The following LLGL1 variants were observed in gnomAD, a reference collection of about 807,000 sequenced individuals.
LLGL1 encodes LLGL scribble cell polarity complex component 1.
In LLGL1, 58 loss-of-function variants were observed where a neutral mutation model predicts 110.6. The ratio of observed to expected loss-of-function variants is 0.52; its 90% CI spans 0.42 to 0.65. The LOEUF (loss-of-function observed/expected upper bound fraction) is 0.65. Ranked by LOEUF, LLGL1 falls within the 30% of genes least tolerant of loss-of-function variation. The pLI, the probability that LLGL1 is intolerant of heterozygous loss-of-function variation, is 0.00. For missense variants in LLGL1, 1,229 were observed against 1,462.1 expected (o/e 0.84, Z 2.60); for synonymous variants, 674 against 607.2 (o/e 1.11, Z -1.62).
At position 18,242,835 on chromosome 17, in the gene LLGL1, TG is replaced by T. The variant is rs1254052357; in HGVS notation, c.*1+17del. 2.6e-6 allele frequency: 4 copies of T among 1,543,748 alleles called. No homozygotes were observed. The highest frequency in any genetic ancestry group is 3.5e-6 in the Non-Finnish European group (4 of 1,144,338). On this transcript the variant is annotated intron_variant, in intron 22 of 22. Transcript: ENST00000316843. ...CTGATCAAATGAGGTGCTGCAGGGGTGGGGCCCTGGTCCTCACCACTGGTGA... is the reference window on the plus strand; with the variant it reads ...CTGATCAAATGAGGTGCTGCAGGGGTGGGCCCTGGTCCTCACCACTGGTGA...
Position 18,241,055 on chromosome 17 carries a change from G to A in LLGL1, c.2502+182G>A, listed in dbSNP as rs1208912015. ...AGAACTCCTACCCAAGAACCCTGAT[G>A]CCCCCTCAGCCTGCTGAGTTCCCCT... On this transcript the variant is annotated intron_variant, in intron 17 of 22. Transcript: ENST00000316843. 4.6e-6 allele frequency: 3 copies of A among 656,430 alleles called. No individual in the cohort carries two copies. In the East Asian group the frequency reaches 8.4e-5, roughly 18 times the overall value. The allele number at this position is 656,430 out of a possible 1,614,324, so 40.7% of individuals were successfully genotyped here.
chr17:18,240,811 G>T lies in LLGL1; in HGVS notation c.2440G>T (p.Ala814Ser). The T allele has an allele frequency of 6.3e-7, 1 of 1,579,438 alleles. No homozygotes were observed. The highest frequency in any genetic ancestry group is 8.6e-7 in the Non-Finnish European group (1 of 1,160,308). ...GCCCTACGAGGCCTCACGGGACCTG[G>T]CGCAGGCACCTGACATGCAGGGTGG... Reference protein sequence around the residue: ...PEPYEASRDLAQAPDMQGGHA... With the variant: ...PEPYEASRDLSQAPDMQGGHA... Residue 814 changes from alanine to serine, a missense_variant, in exon 17 of 23, where the codon GCG becomes TCG. Physicochemically the swap from Ala to Ser is moderately conservative, Grantham distance 99. Coordinates refer to ENST00000316843, the MANE Select transcript of LLGL1 (RefSeq NM_004140.4). This position sits in a 1 kb window ranked among gnomAD's most constrained non-coding sequence, Gnocchi z 5.3.
chr17:18,231,018 C>T (rs2047556094), intron 2 of LLGL1, among the ~76,000 whole-genome samples: 1 of 152,210 alleles, frequency 6.6e-6, no homozygotes, highest in South Asian at 2.1e-4. Flanking sequence ...TGCTCCCACT[C>T]CTGTGGGTGC....
In LLGL1 at chr17:18,240,680, C is replaced by G. The variant is rs1201050179; in HGVS notation, c.2309C>G (p.Pro770Arg). 2 of 1,613,186 alleles carry G rather than the reference C, an allele frequency of 1.2e-6. No individual in the cohort carries two copies. The highest frequency in any genetic ancestry group is 1.7e-6 in the Non-Finnish European group (2 of 1,179,836). The change falls in exon 17 of 23, where the codon CCT becomes CGT. Residue 770 changes from proline (P) to arginine (R), a missense_variant. Pro to Arg is a moderately radical substitution (Grantham distance 103, BLOSUM62 -2). Coordinates refer to ENST00000316843, the MANE Select transcript of LLGL1 (RefSeq NM_004140.4). This position sits in a 1 kb window ranked among gnomAD's most constrained non-coding sequence, Gnocchi z 5.3. ...GCAGCAGTGGGTGGTGAGAAGCGGC[C>G]TGAGCAAGCGGTGGAGGCCGTGCTG... ...PAAAVGGEKR[P>R]EQAVEAVLGK...
In LLGL1 at chr17:18,240,990, C is replaced by T; in HGVS notation, c.2502+117C>T. 1 of 1,138,118 alleles carries T rather than the reference C, an allele frequency of 8.8e-7. No individual in the cohort carries two copies. Among genetic ancestry groups the T allele is most frequent in the South Asian group, 1.8e-5 (1 of 56,924 alleles). The allele number at this position is 1,138,118 out of a possible 1,614,324, so 70.5% of individuals were successfully genotyped here. A position where few individuals can be genotyped will look rare whatever the true frequency, so the allele number is the denominator to read the frequency against. On this transcript the variant is annotated intron_variant, in intron 17 of 22. Coordinates refer to ENST00000316843, the MANE Select transcript of LLGL1 (RefSeq NM_004140.4). This position sits in a 1 kb window ranked among gnomAD's most constrained non-coding sequence, Gnocchi z 5.3. ...GCCTGTATCCCCCACTGTTGGGACC[C>T]TAATTCCCTTGCACCCCAGAAAACA... is the stretch of plus-strand genomic sequence containing the variant.
Position 18,234,682 on chromosome 17 carries a change from T to C in LLGL1, c.884T>C (p.Leu295Pro). Reference protein sequence around the residue: ...PFPCKAINKILWRNCESGGHF... With the variant: ...PFPCKAINKIPWRNCESGGHF... ...CCCTGCAAGGCCATTAACAAGATTC[T>C]GTGGCGGAACTGTGAATCTGGGTAG... The change falls in exon 8 of 23, where the codon CTG becomes CCG. Residue 295 changes from leucine to proline, a missense_variant. Leu to Pro is a moderately conservative substitution (Grantham distance 98, BLOSUM62 -3). Coordinates refer to ENST00000316843, the MANE Select transcript of LLGL1 (RefSeq NM_004140.4). 1 of 1,614,126 alleles carries C rather than the reference T, an allele frequency of 6.2e-7. No individual in the cohort carries two copies. Among genetic ancestry groups the C allele is most frequent in the Non-Finnish European group, 8.5e-7 (1 of 1,180,008 alleles).
At chr17:18,239,761 G>GT (rs1176731437) in intron 16 of LLGL1, among the ~76,000 whole-genome samples, 17 of 150,420 alleles carry the variant, frequency 1.1e-4, no homozygotes, top group East Asian at 7.8e-4. Context: ...TTGACTTTTT[G>GT]TTTTTTTTGA....
intron 1 of LLGL1, among the ~76,000 whole-genome samples, chr17:18,227,443 A>C (rs1041144348): frequency 6.6e-6 from 1 of 151,420 alleles, no homozygotes; most frequent in African/African-American, 2.4e-5. Flanking sequence ...GCTGGAGTGC[A>C]GTGGCACAAT....
Position 18,241,694 on chromosome 17 carries a change from G to A in LLGL1, c.2746G>A (p.Val916Ile), listed in dbSNP as rs781433997. ...GGACATCAGCGGCATCGCTTCGTGCGTCTTTACGCGCCATGGCCAGGGTGA... is the reference window on the plus strand; with the variant it reads ...GGACATCAGCGGCATCGCTTCGTGCATCTTTACGCGCCATGGCCAGGGTGA... ...KEDISGIASCVFTRHGQGFYL... is the reference protein window; with the variant it reads ...KEDISGIASCIFTRHGQGFYL... The change falls in exon 18 of 23, where the codon GTC becomes ATC. Residue 916 changes from valine (V) to isoleucine (I), a missense_variant. Transcript: ENST00000316843. 1.5e-5 allele frequency: 24 copies of A among 1,613,326 alleles called. No individual in the cohort carries two copies. The highest frequency in any genetic ancestry group is 1.6e-4 in the Middle Eastern group (1 of 6,062).
Position 18,238,161 on chromosome 17 carries a change from A to T in LLGL1, c.1999A>T (p.Ile667Phe). 6.2e-7 allele frequency: 1 copy of T among 1,613,480 alleles called. No individual in the cohort carries two copies. The highest frequency in any genetic ancestry group is 8.5e-7 in the Non-Finnish European group (1 of 1,180,040). ...KKSLRQSFRR[I>F]RKSRVSGKKR... is the part of the protein sequence containing the mutation. ...GTCACTGCGCCAGTCTTTCCGGCGCATTCGCAAGAGTCGTGTCTCTGGCAA... is the reference window on the plus strand; with the variant it reads ...GTCACTGCGCCAGTCTTTCCGGCGCTTTCGCAAGAGTCGTGTCTCTGGCAA... The change falls in exon 15 of 23, where the codon ATT (isoleucine) becomes TTT (phenylalanine). Residue 667 changes from isoleucine to phenylalanine, a missense_variant. By Grantham distance (21) the Ile-to-Phe change is conservative. Coordinates refer to ENST00000316843, the MANE Select transcript of LLGL1 (RefSeq NM_004140.4).
rs750250326 is a variant in LLGL1, at chr17:18,236,664, C to G, written c.1410C>G (p.Leu470=). The change falls in exon 12 of 23, where the codon CTC becomes CTG. Residue 470 remains leucine (L), a synonymous_variant. Transcript: ENST00000316843. ...WDASGVALRP[L]YKLSTAGLFQ... ...CCTCGGGTGTGGCGCTGCGGCCGCTCTATAAGCTGAGCACAGCTGGCCTCT... is the reference window on the plus strand; with the variant it reads ...CCTCGGGTGTGGCGCTGCGGCCGCTGTATAAGCTGAGCACAGCTGGCCTCT... The G allele has an allele frequency of 6.2e-7, 1 of 1,612,962 alleles. No individual in the cohort carries two copies. The highest frequency in any genetic ancestry group is 8.5e-7 in the Non-Finnish European group (1 of 1,179,970).
chr17:18,236,862 G>A lies in LLGL1; in HGVS notation c.1534G>A (p.Asp512Asn), dbSNP rs1373442315. 6.2e-6 allele frequency: 10 copies of A among 1,613,756 alleles called. No homozygotes were observed. The highest frequency in any genetic ancestry group is 2.7e-5 in the African/African-American group (2 of 74,902). Residue 512 changes from aspartate (D) to asparagine (N), a missense_variant, in exon 13 of 23, where the codon GAT (aspartate) becomes AAT (asparagine). Physicochemically the swap from Asp to Asn is conservative, Grantham distance 23 (BLOSUM62 1). Transcript: ENST00000316843. ...GGGCTGCTTCGATCCCTACAGTGAC[G>A]ATCCCCGGCTTGGCGTGCAGAAGGT... Reference protein sequence around the residue: ...KVGCFDPYSDDPRLGVQKVAL... With the variant: ...KVGCFDPYSDNPRLGVQKVAL...
chr17:18,240,189 C>A lies in LLGL1; in HGVS notation c.2207-389C>A, dbSNP rs2047796154. Among the ~76,000 whole-genome samples, 1 of 151,894 alleles carries A rather than the reference C, an allele frequency of 6.6e-6. No homozygotes were observed. Among genetic ancestry groups the A allele is most frequent in the Non-Finnish European group, 1.5e-5 (1 of 67,986 alleles). ...CAGGGGTGGAGAGAGGAGTCGGGGT[C>A]TTGTGGGGCTTGGGGCCTGAGTGAT... On this transcript the variant is annotated intron_variant, in intron 16 of 22. Transcript: ENST00000316843. The surrounding 1 kb of genome is among the most constrained non-coding windows in gnomAD (Gnocchi z 5.3).
intron 1 of LLGL1, among the ~76,000 whole-genome samples, chr17:18,226,704 T>C (rs935302719): frequency 6.6e-6 from 1 of 152,204 alleles, no homozygotes; most frequent in South Asian, 2.1e-4. Flanking sequence ...AGGTGGAGGC[T>C]TTTCCTTCCT....
intron 20 of LLGL1, 55 bp downstream of exon 20, chr17:18,242,333 G>A: frequency 1.3e-6 from 2 of 1,568,978 alleles, no homozygotes; most frequent in Non-Finnish European, 1.8e-6. Flanking sequence ...CCTGGGGGAG[G>A]GAGTCGGGAC....
chr17:18,241,371 G>C lies in LLGL1; in HGVS notation c.2503-80G>C, dbSNP rs529161676. On this transcript the variant is annotated intron_variant, in intron 17 of 22. Transcript: ENST00000316843. ...GCTGGGCTTTGTGGTGGGGGCTGTT[G>C]GGTCAGCAGCCACGAGGGTGAGGGG... 1,685 of 1,513,882 alleles carry C rather than the reference G, an allele frequency of 1.1e-3. 3 individuals carry two copies. Among genetic ancestry groups the C allele is most frequent in the Non-Finnish European group, 1.4e-3 (1,582 of 1,128,686 alleles). The allele number at this position is 1,513,882 out of a possible 1,614,324, so 93.8% of individuals were successfully genotyped here.
rs763158591 is a variant in LLGL1 at position 18,235,007 on chromosome 17, C to T, written c.1060+14C>T. The T allele has an allele frequency of 1.5e-5, 25 of 1,613,846 alleles. No homozygotes were observed. The highest frequency in any genetic ancestry group is 1.0e-4 in the Admixed American group (6 of 60,004). On this transcript the variant is annotated intron_variant, in intron 9 of 22. Transcript: ENST00000316843. Reference sequence around the variant, plus strand: ...GGCCCGAGGATGGTGCGTGCCCTGCCGTACCCTACCCTTTCCCAGCCCCAC... The same window carrying T: ...GGCCCGAGGATGGTGCGTGCCCTGCTGTACCCTACCCTTTCCCAGCCCCAC...
intron 15 of LLGL1, 94 bp downstream of exon 15, chr17:18,238,308 C>A: frequency 6.3e-7 from 1 of 1,583,284 alleles, no homozygotes; most frequent in Non-Finnish European, 8.6e-7. Context: ...TAGCTCAGTG[C>A]TCCTCCCTCG....
At chr17:18,232,261 C>G (rs1216696382) in intron 2 of LLGL1, among the ~76,000 whole-genome samples, 1 of 152,252 alleles carries the variant, frequency 6.6e-6, no homozygotes, top group Non-Finnish European at 1.5e-5. Context: ...GGTCCTATAG[C>G]AGCACCTGAC....
Sources: gnomAD v4.1 joint callset for allele counts (sites outside exome capture counted in the v4.1 genomes callset) on GRCh38, gnomAD v4.1.1 for gene constraint, Gnocchi (gnomAD v3.1) non-coding constraint, MANE v1.5 for transcripts, NCBI Gene and HGNC (gene_info 2026-07-23, HGNC 2026-07-21) for gene names.